The following TRIP11 variants were observed in gnomAD, a reference collection of about 807,000 sequenced individuals.
The protein encoded by TRIP11 is thyroid hormone receptor interactor 11, also known as thyroid receptor-interacting protein 11.
TRIP11 carries 148 observed loss-of-function variants against 223.1 expected under a neutral mutation model. That is an observed-to-expected ratio of 0.66 (90% CI 0.58 to 0.76). TRIP11 has a LOEUF of 0.76. Ranked by LOEUF, TRIP11 falls within the 30% of genes least tolerant of loss-of-function variation. TRIP11 has a pLI of 0.00. For synonymous variants in TRIP11, 762 were observed against 772.6 expected (o/e 0.99, Z 0.23); for missense variants, 2,043 against 2,222.0 (o/e 0.92, Z 1.62).
chr14:91,985,976 C>T (rs935104625), intron 16 of TRIP11, among the ~76,000 whole-genome samples: 12 of 152,066 alleles, frequency 7.9e-5, no homozygotes, highest in African/African-American at 2.9e-4. Context: ...TATAAGAAAA[C>T]AGATTGTTAA....
chr14:92,010,268 C>G (rs1595392603), intron 9 of TRIP11, among the ~76,000 whole-genome samples: 1 of 152,048 alleles, frequency 6.6e-6, no homozygotes, highest in African/African-American at 2.4e-5. Flanking sequence ...TGGTGGCTCA[C>G]GCCTATAATC....
At chr14:91,990,189 G>A (rs1267482156) in intron 15 of TRIP11, among the ~76,000 whole-genome samples, 1 of 151,790 alleles carries the variant, frequency 6.6e-6, no homozygotes, top group Non-Finnish European at 1.5e-5. Context: ...GAATGAAATT[G>A]AAAATTTTAA....
Position 92,005,569 on chromosome 14 carries a change from G to C in TRIP11, c.2407C>G (p.Gln803Glu). 6.2e-7 allele frequency: 1 copy of C among 1,612,582 alleles called. No individual in the cohort carries two copies. Among genetic ancestry groups the C allele is most frequent in the African/African-American group, 1.3e-5 (1 of 74,808 alleles). Residue 803 changes from glutamine (Q) to glutamate (E), a missense_variant, in exon 11 of 21, where the codon CAG becomes GAG. By Grantham distance (29) the Gln-to-Glu change is conservative. Coordinates refer to ENST00000267622, the MANE Select transcript of TRIP11 (RefSeq NM_004239.4). ...KDVLSSSLEE[Q>E]KQLTQLINKK... is the part of the protein sequence containing the mutation. ...TTTATAAGTTGTGTCAACTGCTTCT[G>C]CTCTTCTAAACTAGATGACAAAACG...
At chr14:92,015,568 G>A in intron 6 of TRIP11, 128 bp downstream of exon 6, 1 of 673,456 alleles carries the variant, frequency 1.5e-6, no homozygotes, top group Non-Finnish European at 2.4e-6. Flanking sequence ...TGATGCAGGA[G>A]AATCGCTTGA....
At chr14:92,032,806 C>G (rs1270427868) in intron 2 of TRIP11, among the ~76,000 whole-genome samples, 1 of 148,008 alleles carries the variant, frequency 6.8e-6, no homozygotes, top group East Asian at 2.0e-4. Context: ...GCACTCCAGC[C>G]TGGGTGACAG....
chr14:92,025,515 C>CCA (rs2057172561), intron 2 of TRIP11, 95 bp from the exon 3 acceptor site: 3 of 812,900 alleles, frequency 3.7e-6, no homozygotes, highest in Non-Finnish European at 6.0e-6. Flanking sequence ...GCTTTCCCCC[C>CCA]CCAAAAATGT....
chr14:91,986,242 A>G lies in TRIP11; in HGVS notation c.5260+2042T>C, dbSNP rs563891869. On this transcript the variant is annotated intron_variant, in intron 16 of 20. Transcript: ENST00000267622. ...AATCAAGAACATCTGAAAATATTCT[A>G]CTAGTGGGGGCTTAAATGAGTGTCT... is the stretch of plus-strand genomic sequence containing the variant. Among the ~76,000 whole-genome samples the G allele has an allele frequency of 1.2e-4, 19 of 152,220 alleles. 1 individual carries two copies. Among genetic ancestry groups the G allele is most frequent in the Non-Finnish European group, 2.1e-4 (14 of 68,026 alleles).
chr14:92,034,424 CA>C (rs34612555), intron 1 of TRIP11, among the ~76,000 whole-genome samples: 141 of 133,084 alleles, frequency 1.1e-3, no homozygotes, highest in Admixed American at 1.2e-3. Flanking sequence ...CTCTTGTCTC[CA>C]AAAAAAAAAA....
At chr14:92,027,614 C>T (rs909310010) in intron 2 of TRIP11, among the ~76,000 whole-genome samples, 10 of 152,094 alleles carry the variant, frequency 6.6e-5, no homozygotes, top group South Asian at 2.1e-4. Context: ...GACACTAAAA[C>T]TCTCTACAAA....
At position 92,037,831 on chromosome 14, in the gene TRIP11, G is replaced by A. The variant is rs1487916822; in HGVS notation, c.139+1716C>T. ...GCGAAGGTTGCAGCGAGCCGAGATC[G>A]CGCCACTGCATCCAGCCTACGCAAC... On this transcript the variant is annotated intron_variant, in intron 1 of 20. Transcript: ENST00000267622. The surrounding 1 kb of genome is among the most constrained non-coding windows in gnomAD (Gnocchi z 4.2). Among the ~76,000 whole-genome samples the A allele has an allele frequency of 2.0e-5, 3 of 152,208 alleles. No individual in the cohort carries two copies. Among genetic ancestry groups the A allele is most frequent in the Non-Finnish European group, 2.9e-5 (2 of 68,046 alleles).
Position 92,029,414 on chromosome 14 carries a change from GC to G in TRIP11, c.201+3777del, listed in dbSNP as rs199834670. 4.8e-3 allele frequency among the ~76,000 whole-genome samples: 697 copies of G among 146,240 alleles called. 11 individuals are homozygous for G. The highest frequency in any genetic ancestry group is 0.038 in the South Asian group (174 of 4,558). ...AGGTTCAAGCAATTCTCCTGCCTCA[GC>G]CTCCTGAATAGCTGGGATTACAGGC... On this transcript the variant is annotated intron_variant, in intron 2 of 20. Transcript: ENST00000267622.
chr14:92,033,869 C>CT (rs2057295232), intron 1 of TRIP11, among the ~76,000 whole-genome samples: 1 of 152,060 alleles, frequency 6.6e-6, no homozygotes, highest in Admixed American at 6.6e-5. Context: ...TCCATTTATT[C>CT]TAGAGCTGCA....
At chr14:92,038,951 T>C (rs550293064) in intron 1 of TRIP11, among the ~76,000 whole-genome samples, 1 of 152,306 alleles carries the variant, frequency 6.6e-6, no homozygotes, top group South Asian at 2.1e-4. Context: ...GTCTTCCCTA[T>C]TCTACTGTCG....
At chr14:92,007,889 C>A in intron 9 of TRIP11, 37 bp from the exon 10 acceptor site, 1 of 1,499,782 alleles carries the variant, frequency 6.7e-7, no homozygotes. Flanking sequence ...CACATACTTT[C>A]AATTGGAGAC....
intron 16 of TRIP11, among the ~76,000 whole-genome samples, chr14:91,985,746 T>C (rs2056597383): frequency 6.6e-6 from 1 of 152,206 alleles, no homozygotes; most frequent in Non-Finnish European, 1.5e-5. Context: ...ATTTTTGCTG[T>C]CTGGCCAAGT....
chr14:92,020,115 G>A lies in TRIP11; in HGVS notation c.588+1441C>T, dbSNP rs12897106. 1.4e-3 allele frequency among the ~76,000 whole-genome samples: 217 copies of A among 152,170 alleles called. 1 individual carries two copies. Among genetic ancestry groups the A allele is most frequent in the Non-Finnish European group, 2.4e-3 (162 of 67,996 alleles). ...GTACAAAAAAACATTAGCCCGGTGTGGTGGCGGGCGCCTGTAATCCCAGCT... is the reference window on the plus strand; with the variant it reads ...GTACAAAAAAACATTAGCCCGGTGTAGTGGCGGGCGCCTGTAATCCCAGCT... On this transcript the variant is annotated intron_variant, in intron 4 of 20. Transcript: ENST00000267622.
chr14:92,005,547 A>T lies in TRIP11; in HGVS notation c.2429T>A (p.Ile810Lys), dbSNP rs1391684460. ...TTCAATAAAAATTTCTTTCTTGTTT[A>T]TAAGTTGTGTCAACTGCTTCTGCTC... ...LEEQKQLTQL[I>K]NKKEIFIEKL... The change falls in exon 11 of 21, where the codon ATA becomes AAA. Residue 810 changes from isoleucine to lysine, a missense_variant. Coordinates refer to ENST00000267622, the MANE Select transcript of TRIP11 (RefSeq NM_004239.4). 3 of 1,611,478 alleles carry T rather than the reference A, an allele frequency of 1.9e-6. No individual in the cohort carries two copies. The highest frequency in any genetic ancestry group is 2.5e-6 in the Non-Finnish European group (3 of 1,179,570).
At chr14:91,993,609 T>C (rs2056709301) in intron 15 of TRIP11, among the ~76,000 whole-genome samples, 200 bp downstream of exon 15, 1 of 152,114 alleles carries the variant, frequency 6.6e-6, no homozygotes, top group African/African-American at 2.4e-5. Flanking sequence ...TCATCTTACA[T>C]TTGCCGTGTC....
In TRIP11 at chr14:92,026,710, G is replaced by T. The variant is rs991858215; in HGVS notation, c.202-1290C>A. 27 of 1,024,666 alleles carry T rather than the reference G, an allele frequency of 2.6e-5. 1 individual carries two copies. The highest frequency in any genetic ancestry group is 1.9e-4 in the Admixed American group (11 of 57,708). The allele number at this position is 1,024,666 out of a possible 1,614,324, so 63.5% of individuals were successfully genotyped here. ...GGAGCAAGAGGCTGACAATGAAGTA[G>T]ATGAAGAACAGGAAGAAGGTGGGGA... On this transcript the variant is annotated intron_variant, in intron 2 of 20. Transcript: ENST00000267622.
Sources: allele counts gnomAD v4.1 joint callset (sites outside exome capture counted in the v4.1 genomes callset), GRCh38; gene constraint gnomAD v4.1.1; non-coding constraint Gnocchi (gnomAD v3.1); transcripts MANE v1.5; gene names NCBI Gene and HGNC (gene_info 2026-07-23, HGNC 2026-07-21).